Variants in PPARGC1A observed in about 807,000 individuals in gnomAD.
The protein encoded by PPARGC1A is PPARG coactivator 1 alpha.
A neutral mutation model predicts 88.7 loss-of-function variants in PPARGC1A; 25 were observed. That is an observed-to-expected ratio of 0.28 (90% CI 0.21 to 0.39). The LOEUF is 0.39. Ranked by LOEUF, PPARGC1A falls within the 10% of genes least tolerant of loss-of-function variation. The pLI is 1.00. For synonymous variants in PPARGC1A, 363 were observed against 355.6 expected (o/e 1.02, Z -0.24); for missense variants, 880 against 968.7 (o/e 0.91, Z 1.22).
At chr4:24,065,384 A>G in the PPARGC1A span, among the ~76,000 whole-genome samples, 2 of 152,158 alleles carry the variant, frequency 1.3e-5, no homozygotes, top group Non-Finnish European at 2.9e-5. Flanking sequence ...AATGATCGTT[A>G]GGGGATTGCC....
the PPARGC1A span, among the ~76,000 whole-genome samples, chr4:24,472,477 A>C: frequency 6.6e-6 from 1 of 152,212 alleles, no homozygotes; most frequent in African/African-American, 2.4e-5. The surrounding 1 kb of genome is among the most constrained non-coding windows in gnomAD (Gnocchi z 4.5). Flanking sequence ...GGATGCAAAT[A>C]AAATGAGGAA....
At chr4:24,445,368 G>C in the PPARGC1A span, among the ~76,000 whole-genome samples, 1 of 152,192 alleles carries the variant, frequency 6.6e-6, no homozygotes, top group East Asian at 1.9e-4. Flanking sequence ...TGTCCGTAAG[G>C]CTGTGTGGAT....
the PPARGC1A span, among the ~76,000 whole-genome samples, chr4:24,232,494 T>C: frequency 2.6e-4 from 39 of 152,322 alleles, no homozygotes; most frequent in African/African-American, 6.5e-4. Context: ...CTTGACCTTT[T>C]TAAGAAACAC....
chr4:24,392,753 A>G, the PPARGC1A span, among the ~76,000 whole-genome samples: 1 of 152,114 alleles, frequency 6.6e-6, no homozygotes, highest in Non-Finnish European at 1.5e-5. Context: ...CTTTCCAGAA[A>G]CAGCATCTAT....
the PPARGC1A span, among the ~76,000 whole-genome samples, chr4:24,387,935 AG>A: frequency 1.4e-4 from 1 of 7,346 alleles, no homozygotes; most frequent in African/African-American, 2.7e-4. Flanking sequence ...AGAAAGAAAG[AG>A]AAAGAAAGAA....
chr4:24,241,248 A>G, the PPARGC1A span, among the ~76,000 whole-genome samples: 10 of 152,166 alleles, frequency 6.6e-5, no homozygotes, highest in Non-Finnish European at 1.5e-4. Context: ...AAAACAAACA[A>G]ACAAAAAGCT....
chr4:23,822,009 T>G (rs1440481203), intron 7 of PPARGC1A, among the ~76,000 whole-genome samples: 1 of 152,164 alleles, frequency 6.6e-6, no homozygotes, highest in Non-Finnish European at 1.5e-5. Flanking sequence ...CAAAAATGAT[T>G]GCATACTGGC....
At chr4:24,421,255 A>G in the PPARGC1A span, among the ~76,000 whole-genome samples, 2 of 152,208 alleles carry the variant, frequency 1.3e-5, no homozygotes, top group East Asian at 3.9e-4. Context: ...TATGGGATAT[A>G]CTTAAATCAA....
At chr4:24,331,070 T>C in the PPARGC1A span, among the ~76,000 whole-genome samples, 5 of 152,194 alleles carry the variant, frequency 3.3e-5, no homozygotes, top group Middle Eastern at 3.2e-3. Context: ...TTCTTCATGC[T>C]GTTTTTTGCT....
At chr4:24,310,440 G>A in the PPARGC1A span, among the ~76,000 whole-genome samples, 18 of 152,142 alleles carry the variant, frequency 1.2e-4, no homozygotes, top group Non-Finnish European at 2.6e-4. Flanking sequence ...TTACCTGCAG[G>A]ATGGTAAAGA....
chr4:24,044,975 C>T, the PPARGC1A span, among the ~76,000 whole-genome samples: 1 of 152,188 alleles, frequency 6.6e-6, no homozygotes, highest in Non-Finnish European at 1.5e-5. Context: ...ATTTTAAGCC[C>T]TACTGAGCAC....
the PPARGC1A span, among the ~76,000 whole-genome samples, chr4:24,122,075 G>A: frequency 6.6e-6 from 1 of 152,104 alleles, no homozygotes; most frequent in African/African-American, 2.4e-5. Flanking sequence ...TAGGGGAAGT[G>A]GACAGCAAAG....
chr4:24,453,600 T>C, the PPARGC1A span, among the ~76,000 whole-genome samples: 2 of 152,182 alleles, frequency 1.3e-5, no homozygotes, highest in African/African-American at 2.4e-5. Flanking sequence ...ACTAACGTGG[T>C]AAAACCCCAT....
the PPARGC1A span, among the ~76,000 whole-genome samples, chr4:24,347,763 G>A: frequency 1.1e-4 from 17 of 152,138 alleles, no homozygotes; most frequent in Admixed American, 2.0e-4. Context: ...TTCAATGTTA[G>A]TATTGAAATG....
chr4:24,392,788 G>A, the PPARGC1A span, among the ~76,000 whole-genome samples: 8 of 152,026 alleles, frequency 5.3e-5, no homozygotes, highest in South Asian at 2.1e-4. Context: ...ACACTTTCCC[G>A]TTGCCTCAGC....
chr4:24,201,882 A>G, the PPARGC1A span, among the ~76,000 whole-genome samples: 1 of 151,746 alleles, frequency 6.6e-6, no homozygotes, highest in Non-Finnish European at 1.5e-5. Flanking sequence ...CAGGTGCAAA[A>G]TATTCTTCAG....
the PPARGC1A span, among the ~76,000 whole-genome samples, chr4:24,065,360 G>A: frequency 6.6e-6 from 1 of 151,792 alleles, no homozygotes; most frequent in South Asian, 2.1e-4. Flanking sequence ...TTTCATCAAC[G>A]GGAGCCCTGA....
At chr4:24,470,326 T>TCA in the PPARGC1A span, among the ~76,000 whole-genome samples, 1 of 110,320 alleles carries the variant, frequency 9.1e-6, no homozygotes, top group Non-Finnish European at 1.9e-5. The surrounding 1 kb of genome is among the most constrained non-coding windows in gnomAD (Gnocchi z 5.8). Flanking sequence ...ACACACACAC[T>TCA]CTCTCACACA....
chr4:24,012,979 C>A, the PPARGC1A span, among the ~76,000 whole-genome samples: 5 of 152,108 alleles, frequency 3.3e-5, no homozygotes, highest in Admixed American at 2.6e-4. Flanking sequence ...ACAATTTATT[C>A]TCCCACATTT....
Sources: allele counts gnomAD v4.1 joint callset (sites outside exome capture counted in the v4.1 genomes callset), GRCh38; gene constraint gnomAD v4.1.1; non-coding constraint Gnocchi (gnomAD v3.1); transcripts MANE v1.5; gene names NCBI Gene and HGNC (gene_info 2026-07-23, HGNC 2026-07-21).